PDE4B: variants seen among roughly 807,000 people sequenced by gnomAD.
PDE4B encodes 3',5'-cyclic-AMP phosphodiesterase 4B.
A neutral mutation model predicts 82.2 loss-of-function variants in PDE4B; 20 were observed. The ratio of observed to expected loss-of-function variants is 0.24; its 90% CI spans 0.17 to 0.35. PDE4B has a LOEUF of 0.35. PDE4B is among the 10% of genes least tolerant of loss of function. The probability of loss-of-function intolerance (pLI) is 1.00; values close to 1 mark genes in which losing one functional copy is unlikely to be tolerated. For missense variants in PDE4B, 655 were observed against 907.2 expected (o/e 0.72, Z 3.57); for synonymous variants, 320 against 318.9 (o/e 1.00, Z -0.04).
chr1:65,921,290 C>G (rs1461373249), intron 3 of PDE4B, among the ~76,000 whole-genome samples: 4 of 152,172 alleles, frequency 2.6e-5, no homozygotes, highest in East Asian at 3.9e-4. Context: ...CTGAACATCT[C>G]TTGAAAATCC....
chr1:66,037,815 A>G (rs1303849661), intron 3 of PDE4B, among the ~76,000 whole-genome samples: 1 of 152,174 alleles, frequency 6.6e-6, no homozygotes, highest in Non-Finnish European at 1.5e-5. Flanking sequence ...AAAATTGGCT[A>G]TGCAAGATAT....
intron 1 of PDE4B, among the ~76,000 whole-genome samples, chr1:65,901,796 T>C (rs1173593553): frequency 6.6e-6 from 1 of 152,076 alleles, no homozygotes; most frequent in Non-Finnish European, 1.5e-5. Flanking sequence ...TTTCATTTAG[T>C]TCTGCTCTGA....
intron 3 of PDE4B, among the ~76,000 whole-genome samples, chr1:66,023,436 C>T (rs1295943138): frequency 6.6e-6 from 1 of 152,028 alleles, no homozygotes. Context: ...GAAGTATTGC[C>T]AAGAACAAGG....
chr1:66,199,963 G>A lies in PDE4B; in HGVS notation c.282-47497G>A, dbSNP rs560890048. Among the ~76,000 whole-genome samples, 4 of 152,100 alleles carry A rather than the reference G, an allele frequency of 2.6e-5. No individual in the cohort carries two copies. In the South Asian group the frequency reaches 8.3e-4, roughly 32 times the overall value. On this transcript the variant is annotated intron_variant, in intron 3 of 16. Coordinates refer to ENST00000341517, the MANE Select transcript of PDE4B (RefSeq NM_002600.4). ...AGTATTGCCTAGGTTTTCTTCTAGG[G>A]TTTTTATGGTTTTAGGTCTAACATT...
At chr1:65,975,496 C>T (rs906894258) in intron 3 of PDE4B, among the ~76,000 whole-genome samples, 2 of 152,184 alleles carry the variant, frequency 1.3e-5, no homozygotes, top group African/African-American at 4.8e-5. Context: ...AAATTCAAGC[C>T]TACTTCAGAA....
chr1:66,120,658 C>A (rs537319278), intron 3 of PDE4B, among the ~76,000 whole-genome samples: 126 of 152,254 alleles, frequency 8.3e-4, no homozygotes, highest in African/African-American at 2.6e-3. Flanking sequence ...GATTCCCACA[C>A]AATAACAATG....
intron 8 of PDE4B, among the ~76,000 whole-genome samples, chr1:66,350,144 C>T (rs1170100900): frequency 6.6e-6 from 1 of 152,048 alleles, no homozygotes; most frequent in South Asian, 2.1e-4. Context: ...AGCCCCTTCA[C>T]TTTCCTGATG....
intron 13 of PDE4B, 125 bp from the exon 14 acceptor site, chr1:66,367,571 T>C (rs1663339689): frequency 1.3e-6 from 1 of 743,284 alleles, no homozygotes; most frequent in South Asian, 2.0e-5. Context: ...TAAGAGGAAA[T>C]GACATGTAGC....
chr1:65,961,210 C>T (rs1649526374), intron 3 of PDE4B, among the ~76,000 whole-genome samples: 1 of 151,908 alleles, frequency 6.6e-6, no homozygotes, highest in South Asian at 2.1e-4. Flanking sequence ...TGGAATTGTC[C>T]AAAAGCCTTC....
intron 7 of PDE4B, among the ~76,000 whole-genome samples, chr1:66,329,375 C>T (rs959204503): frequency 1.1e-4 from 17 of 152,062 alleles, no homozygotes; most frequent in Non-Finnish European, 1.5e-4. Context: ...AAGAAAAAAC[C>T]ACCATGACAA....
intron 1 of PDE4B, among the ~76,000 whole-genome samples, chr1:65,888,578 G>A (rs562399712): frequency 4.3e-4 from 65 of 152,228 alleles, no homozygotes; most frequent in African/African-American, 1.5e-3. Context: ...TGATTCATGA[G>A]CAGGGGATGT....
intron 3 of PDE4B, among the ~76,000 whole-genome samples, chr1:66,185,189 C>T (rs1471617848): frequency 5.3e-5 from 8 of 152,124 alleles, no homozygotes; most frequent in Non-Finnish European, 8.8e-5. Flanking sequence ...TTTATGGCTG[C>T]GTAGTATTAC....
At chr1:66,319,798 A>G (rs949539306) in intron 7 of PDE4B, among the ~76,000 whole-genome samples, 1 of 152,260 alleles carries the variant, frequency 6.6e-6, no homozygotes, top group African/African-American at 2.4e-5. Flanking sequence ...ACTGCAAAGA[A>G]TTAGACAACT....
chr1:65,914,352 G>A (rs887114489), intron 2 of PDE4B, among the ~76,000 whole-genome samples: 3 of 152,122 alleles, frequency 2.0e-5, no homozygotes, highest in African/African-American at 7.2e-5. Context: ...GTGCTATTTA[G>A]ATTTTTCCTT....
At chr1:65,883,005 C>G (rs1240525977) in intron 1 of PDE4B, among the ~76,000 whole-genome samples, 5 of 152,112 alleles carry the variant, frequency 3.3e-5, no homozygotes, top group Admixed American at 6.6e-5. Flanking sequence ...ATTTATCTGA[C>G]CTTGGGCGAA....
chr1:66,020,198 A>G (rs1437935524), intron 3 of PDE4B, among the ~76,000 whole-genome samples: 1 of 152,222 alleles, frequency 6.6e-6, no homozygotes, highest in Non-Finnish European at 1.5e-5. Flanking sequence ...TAGGCCTGGT[A>G]TAAGAACAGG....
chr1:65,820,281 A>G (rs1436910628), intron 1 of PDE4B, among the ~76,000 whole-genome samples: 1 of 152,250 alleles, frequency 6.6e-6, no homozygotes, highest in Non-Finnish European at 1.5e-5. Flanking sequence ...AATGGATTTT[A>G]TCTCTGAATA....
At chr1:65,879,893 T>A (rs1353082519) in intron 1 of PDE4B, among the ~76,000 whole-genome samples, 1 of 152,176 alleles carries the variant, frequency 6.6e-6, no homozygotes, top group Non-Finnish European at 1.5e-5. Context: ...ACCAGCATAG[T>A]GTTAATGCTG....
chr1:65,941,331 T>C (rs1371464105), intron 3 of PDE4B, among the ~76,000 whole-genome samples: 1 of 152,000 alleles, frequency 6.6e-6, no homozygotes, highest in Non-Finnish European at 1.5e-5. Flanking sequence ...CTCCCACAAA[T>C]TCACATCTAA....
Sources: gnomAD v4.1 joint callset for allele counts (sites outside exome capture counted in the v4.1 genomes callset) on GRCh38, gnomAD v4.1.1 for gene constraint, MANE v1.5 for transcripts, NCBI Gene and HGNC (gene_info 2026-07-23, HGNC 2026-07-21) for gene names.